CRACR2A: variants seen among roughly 807,000 people sequenced by gnomAD.
CRACR2A encodes calcium release activated channel regulator 2A, also known as EF-hand calcium-binding domain-containing protein 4B.
In CRACR2A, 79 loss-of-function variants were observed where a neutral mutation model predicts 90.5. The ratio of observed to expected loss-of-function variants is 0.87; its 90% CI spans 0.73 to 1.05. The LOEUF (loss-of-function observed/expected upper bound fraction) is 1.05, where lower values mean the gene tolerates loss of function less well. CRACR2A is among the 50% of genes least tolerant of loss of function. CRACR2A has a pLI of 0.00. For missense variants in CRACR2A, 823 were observed against 897.2 expected, an observed-to-expected ratio of 0.92 and a Z score of 1.06; for synonymous variants, 338 against 356.7, an observed-to-expected ratio of 0.95 and a Z score of 0.59.
intron 3 of CRACR2A, among the ~76,000 whole-genome samples, chr12:3,708,667 C>T (rs545173998): frequency 1.3e-5 from 2 of 152,254 alleles, no homozygotes; most frequent in East Asian, 1.9e-4. Context: ...CCTCGTGATC[C>T]GCCGGCCTCG....
At chr12:3,629,773 C>T (rs1314642083) in intron 15 of CRACR2A, among the ~76,000 whole-genome samples, 1 of 149,646 alleles carries the variant, frequency 6.7e-6, no homozygotes, top group Non-Finnish European at 1.5e-5. Context: ...CTCTCTGCAG[C>T]CTCAGACAGG....
chr12:3,749,572 C>T (rs74058346), intron 1 of CRACR2A, among the ~76,000 whole-genome samples: 5,772 of 152,246 alleles, frequency 0.038, 360 homozygotes, highest in African/African-American at 0.13. Context: ...CTTCCCTGTC[C>T]GTGCCTTAGG....
chr12:3,640,797 A>G (rs1377121741), intron 13 of CRACR2A: 71 of 1,304,930 alleles, frequency 5.4e-5, no homozygotes, highest in Non-Finnish European at 2.0e-6. Context: ...GACACAGCAC[A>G]TGCCAAAATG....
intron 4 of CRACR2A, among the ~76,000 whole-genome samples, chr12:3,694,039 T>C (rs117591181): frequency 0.023 from 3,538 of 152,290 alleles, 54 homozygotes; most frequent in Non-Finnish European, 0.036. Context: ...CCTGGAGTTG[T>C]TGGGGGCTGG....
chr12:3,699,233 T>G (rs1945793506), intron 3 of CRACR2A, among the ~76,000 whole-genome samples: 1 of 152,222 alleles, frequency 6.6e-6, no homozygotes, highest in Non-Finnish European at 1.5e-5. Context: ...CATCCCCAAC[T>G]GATCTAAATC....
At chr12:3,686,478 T>G (rs2137648075) in intron 4 of CRACR2A, among the ~76,000 whole-genome samples, 1 of 152,298 alleles carries the variant, frequency 6.6e-6, no homozygotes, top group South Asian at 2.1e-4. Context: ...AGGCAGGTGC[T>G]TGGTGTTGGT....
At chr12:3,724,426 C>T (rs950504812) in intron 2 of CRACR2A, among the ~76,000 whole-genome samples, 23 of 152,216 alleles carry the variant, frequency 1.5e-4, no homozygotes, top group Admixed American at 1.2e-3. Flanking sequence ...CATGGATCTG[C>T]GCTTCATCAT....
At position 3,633,847 on chromosome 12, in the gene CRACR2A, C is replaced by T; in HGVS notation, c.1603-111G>A. ...TACAGTGGCCCTCAGGAGGTGCAGA[C>T]CGGCCTCTAGACCTGCACCAGGAGG... On this transcript the variant is annotated intron_variant, in intron 14 of 19. Coordinates refer to ENST00000440314, the MANE Select transcript of CRACR2A (RefSeq NM_001144958.2). The surrounding 1 kb of genome is among the most constrained non-coding windows in gnomAD (Gnocchi z 4.5). 1 of 1,442,244 alleles carries T rather than the reference C, an allele frequency of 6.9e-7. No individual in the cohort carries two copies. Among genetic ancestry groups the T allele is most frequent in the South Asian group, 1.3e-5 (1 of 76,028 alleles). 89.3% of individuals were successfully genotyped at this position (1,442,244 alleles called of 1,614,324 possible).
In CRACR2A at chr12:3,680,894, T is replaced by C. The variant is rs561249944; in HGVS notation, c.229-545A>G. 1.1e-3 allele frequency among the ~76,000 whole-genome samples: 161 copies of C among 152,326 alleles called. 1 individual carries two copies. Among genetic ancestry groups the C allele is most frequent in the African/African-American group, 3.9e-3 (160 of 41,558 alleles). The stretch of plus-strand genomic sequence containing the variant: ...TGAATGTAAAGCATATAACAGTGCC[T>C]GCATACAGAAAGCATTCAATATAAA... On this transcript the variant is annotated intron_variant, in intron 4 of 19. Coordinates refer to ENST00000440314, the MANE Select transcript of CRACR2A (RefSeq NM_001144958.2).
At chr12:3,630,127 T>C (rs558561079) in intron 15 of CRACR2A, among the ~76,000 whole-genome samples, 13 of 152,262 alleles carry the variant, frequency 8.5e-5, no homozygotes, top group African/African-American at 2.9e-4. Flanking sequence ...GATGGAGGTA[T>C]GACGGGATGA....
Position 3,673,457 on chromosome 12 carries a change from A to T in CRACR2A, c.660T>A (p.Cys220Ter). ...EAHEEKNELE[C>*]ALKRKIAAYD... ...ACTGGGGTACCCACCTTTTTAGGGC[A>T]CACTCCAGTTCATTCTTCTCCTCAT... Residue 220 changes from cysteine (C) to a stop codon, truncating the protein, a stop_gained, in exon 7 of 20, where the codon TGT becomes TGA. Transcript: ENST00000440314. LOFTEE classifies it high-confidence loss of function. 1 of 1,612,284 alleles carries T rather than the reference A, an allele frequency of 6.2e-7. No homozygotes were observed. Among genetic ancestry groups the T allele is most frequent in the Non-Finnish European group, 8.5e-7 (1 of 1,179,540 alleles).
rs1945749495 is a variant in CRACR2A at position 3,696,893 on chromosome 12, A to AG, written c.106dup (p.Leu36ProfsTer28). On this transcript the variant is annotated frameshift_variant, in exon 4 of 20. Transcript: ENST00000440314. LOFTEE classifies it high-confidence loss of function. ...TTGCTCCTGAGTCTCCTTCTGCTCC[A>AG]GGCTGTCCAGGGGATGCAGGCAGGC... 1.9e-6 allele frequency: 3 copies of AG among 1,614,214 alleles called. No homozygotes were observed. The highest frequency in any genetic ancestry group is 2.5e-6 in the Non-Finnish European group (3 of 1,180,038).
chr12:3,675,302 G>A (rs1448952867), intron 6 of CRACR2A, among the ~76,000 whole-genome samples: 2 of 152,128 alleles, frequency 1.3e-5, no homozygotes, highest in South Asian at 2.1e-4. Context: ...GCAGAGAAGA[G>A]GCCCACTGAG....
chr12:3,705,450 A>G (rs1423493904), intron 3 of CRACR2A, among the ~76,000 whole-genome samples: 1 of 152,174 alleles, frequency 6.6e-6, no homozygotes, highest in Non-Finnish European at 1.5e-5. Flanking sequence ...CTTCCACACC[A>G]CACCAGTGGC....
rs139471327 is a variant in CRACR2A at position 3,645,581 on chromosome 12, T to C, written c.1119-941A>G. On this transcript the variant is annotated intron_variant, in intron 11 of 19. Coordinates refer to ENST00000440314, the MANE Select transcript of CRACR2A (RefSeq NM_001144958.2). ...TCAGTTTTCAAAGGATCCCTCTGGA[T>C]GGGTGCTAAGAACAGATTGCTGGGG... 1.6e-3 allele frequency among the ~76,000 whole-genome samples: 251 copies of C among 152,300 alleles called. 7 individuals carry two copies. In the East Asian group the frequency reaches 0.036, roughly 22 times the overall value.
At chr12:3,684,491 T>C (rs1280716181) in intron 4 of CRACR2A, among the ~76,000 whole-genome samples, 2 of 152,204 alleles carry the variant, frequency 1.3e-5, no homozygotes, top group Non-Finnish European at 2.9e-5. Flanking sequence ...ACAGGATATG[T>C]AGCAGCATCC....
chr12:3,701,771 C>T (rs1283090789), intron 3 of CRACR2A, among the ~76,000 whole-genome samples: 3 of 151,956 alleles, frequency 2.0e-5, no homozygotes, highest in Non-Finnish European at 2.9e-5. Context: ...AATTCTATAC[C>T]GACTCTTTCA....
rs1944850571 is a variant in CRACR2A at position 3,654,093 on chromosome 12, C to A, written c.1046+119G>T. On this transcript the variant is annotated intron_variant, in intron 10 of 19. Transcript: ENST00000440314. Reference sequence around the variant, plus strand: ...GTGTTAGAAGAGTCTCAGGGAGCAACAAGCCCAAATCCTCTTTTCACAGGC... The same window carrying A: ...GTGTTAGAAGAGTCTCAGGGAGCAAAAAGCCCAAATCCTCTTTTCACAGGC... The A allele has an allele frequency of 3.3e-5, 40 of 1,203,320 alleles. No individual in the cohort carries two copies. The South Asian group carries it at 5.3e-4, about 16-fold the overall frequency. The allele number at this position is 1,203,320 out of a possible 1,614,324, so 74.5% of individuals were successfully genotyped here. A position where few individuals can be genotyped will look rare whatever the true frequency, so the allele number is the denominator to read the frequency against.
chr12:3,666,382 C>A (rs538452849), intron 7 of CRACR2A, among the ~76,000 whole-genome samples: 3 of 147,650 alleles, frequency 2.0e-5, no homozygotes, highest in African/African-American at 7.9e-5. Flanking sequence ...CGCGCGCACG[C>A]GCGCACACGC....
Sources: gnomAD v4.1 joint callset for allele counts (sites outside exome capture counted in the v4.1 genomes callset) on GRCh38, gnomAD v4.1.1 for gene constraint, Gnocchi (gnomAD v3.1) non-coding constraint, MANE v1.5 for transcripts, NCBI Gene and HGNC (gene_info 2026-07-23, HGNC 2026-07-21) for gene names.